The following SSH2 variants were observed in gnomAD, a reference collection of about 807,000 sequenced individuals.
SSH2 encodes protein phosphatase Slingshot homolog 2.
Under a neutral mutation model 135.2 loss-of-function variants are expected in SSH2, and 37 were observed. The observed-to-expected ratio is 0.27, with a 90% CI of 0.21 to 0.36. SSH2 has a LOEUF of 0.36. Among genes scored for constraint, SSH2 ranks in the 10% least tolerant of loss-of-function variants. The pLI, the probability that SSH2 is intolerant of heterozygous loss-of-function variation, is 1.00. For synonymous variants in SSH2, 628 were observed against 646.2 expected (o/e 0.97, Z 0.43); for missense variants, 1,408 against 1,765.3 (o/e 0.80, Z 3.63).
intron 5 of SSH2, among the ~76,000 whole-genome samples, chr17:29,692,408 AAAC>A (rs1228355950): frequency 1.3e-5 from 2 of 152,212 alleles, no homozygotes; most frequent in African/African-American, 4.8e-5. Flanking sequence ...TAACAACTCA[AAAC>A]AACTGTAAAA....
chr17:29,835,953 C>T (rs1378659058), intron 2 of SSH2, among the ~76,000 whole-genome samples: 3 of 137,174 alleles, frequency 2.2e-5, no homozygotes, highest in South Asian at 2.3e-4. Context: ...AGCAAGACTT[C>T]GTCTCAAAAA....
chr17:29,637,672 C>T (rs891958727), intron 14 of SSH2, among the ~76,000 whole-genome samples: 2 of 151,712 alleles, frequency 1.3e-5, no homozygotes, highest in African/African-American at 2.4e-5. Flanking sequence ...GTCTTAGCTA[C>T]TCAGGGGGCT....
At chr17:29,695,393 T>C (rs976897885) in intron 5 of SSH2, 66 bp downstream of exon 5, 43 of 1,232,982 alleles carry the variant, frequency 3.5e-5, no homozygotes, top group Non-Finnish European at 4.7e-5. Context: ...TAAAAATGAC[T>C]GTTCAATTTT....
Position 29,848,835 on chromosome 17 carries a change from A to T in SSH2, c.144+14T>A. On this transcript the variant is annotated intron_variant, in intron 2 of 15. Transcript: ENST00000540801. ...GAATCACCAAAGTCTGTATAAAAAC[A>T]TATACCTACGTACATTGGAATCAGT... 6.7e-7 allele frequency: 1 copy of T among 1,498,152 alleles called. No individual in the cohort carries two copies. Among genetic ancestry groups the T allele is most frequent in the Non-Finnish European group, 9.0e-7 (1 of 1,115,300 alleles). The allele number at this position is 1,498,152 out of a possible 1,614,324, so 92.8% of individuals were successfully genotyped here.
intron 5 of SSH2, among the ~76,000 whole-genome samples, chr17:29,689,329 A>G (rs2038366563): frequency 6.6e-6 from 1 of 152,234 alleles, no homozygotes. Context: ...TAACACAATC[A>G]AATAAATTTA....
intron 12 of SSH2, among the ~76,000 whole-genome samples, chr17:29,652,830 G>T (rs1051959623): frequency 3.9e-5 from 6 of 151,940 alleles, no homozygotes; most frequent in Non-Finnish European, 5.9e-5. Context: ...CCTAATTTTT[G>T]TATTTTTAGT....
At chr17:29,874,832 A>G (rs1348409692) in intron 1 of SSH2, among the ~76,000 whole-genome samples, 1 of 152,200 alleles carries the variant, frequency 6.6e-6, no homozygotes, top group Non-Finnish European at 1.5e-5. Flanking sequence ...TGATTGTCAG[A>G]TAACATCTAA....
rs1165050400 is a variant in SSH2 at position 29,631,076 on chromosome 17, TACTGCAC to T, written c.4111_4117del (p.Val1371MetfsTer20). On this transcript the variant is annotated frameshift_variant, in exon 16 of 16. Transcript: ENST00000540801. LOFTEE classifies it high-confidence loss of function. ...CTGACTAGAACCAAATTCTTTGGCA[TACTGCAC>T]AAGGGGCCTCTCCACTGGCTTGCTC... The T allele has an allele frequency of 6.2e-7, 1 of 1,614,120 alleles. No individual in the cohort carries two copies. Among genetic ancestry groups the T allele is most frequent in the Non-Finnish European group, 8.5e-7 (1 of 1,180,054 alleles).
At chr17:29,863,178 C>CA (rs1173071294) in intron 1 of SSH2, among the ~76,000 whole-genome samples, 1 of 151,878 alleles carries the variant, frequency 6.6e-6, no homozygotes, top group Non-Finnish European at 1.5e-5. Context: ...ACAACAACAA[C>CA]AAAAAAAGAT....
At chr17:29,756,663 G>GT (rs556100357) in intron 3 of SSH2, among the ~76,000 whole-genome samples, 85 of 149,762 alleles carry the variant, frequency 5.7e-4, no homozygotes, top group East Asian at 9.9e-4. Context: ...GTTTTGTTTT[G>GT]TTTTTTTTTG....
chr17:29,690,616 T>C (rs958895848), intron 5 of SSH2, among the ~76,000 whole-genome samples: 1 of 151,960 alleles, frequency 6.6e-6, no homozygotes, highest in African/African-American at 2.4e-5. Flanking sequence ...GTCAAAAGAA[T>C]GAAGCAAAAT....
At chr17:29,841,817 T>C (rs1357026050) in intron 2 of SSH2, among the ~76,000 whole-genome samples, 1 of 151,958 alleles carries the variant, frequency 6.6e-6, no homozygotes, top group African/African-American at 2.4e-5. Flanking sequence ...GCCTCAACCT[T>C]CTGGGCTCAA....
At chr17:29,700,405 T>A (rs2038928632) in intron 4 of SSH2, among the ~76,000 whole-genome samples, 1 of 152,220 alleles carries the variant, frequency 6.6e-6, no homozygotes, top group South Asian at 2.1e-4. Flanking sequence ...GAGATCTCTC[T>A]CCCTAAGACA....
At chr17:29,684,459 A>T (rs2038120502) in intron 6 of SSH2, 104 bp downstream of exon 6, 2 of 1,134,792 alleles carry the variant, frequency 1.8e-6, no homozygotes, top group African/African-American at 3.2e-5. Flanking sequence ...TCTGGGCAAC[A>T]GAGTGATGAC....
intron 2 of SSH2, among the ~76,000 whole-genome samples, chr17:29,809,319 T>C (rs1567987268): frequency 6.6e-6 from 1 of 152,206 alleles, no homozygotes; most frequent in Non-Finnish European, 1.5e-5. Context: ...AGCTGGAAGT[T>C]AATTTTCCTC....
chr17:29,640,341 G>T (rs2036100284), intron 14 of SSH2, among the ~76,000 whole-genome samples: 1 of 134,132 alleles, frequency 7.5e-6, no homozygotes, highest in African/African-American at 2.4e-5. Flanking sequence ...CTCCCAAAGT[G>T]CTGGGATTAT....
At chr17:29,778,139 T>C (rs1389511633) in intron 3 of SSH2, among the ~76,000 whole-genome samples, 1 of 152,170 alleles carries the variant, frequency 6.6e-6, no homozygotes, top group Non-Finnish European at 1.5e-5. Context: ...TTTTGCATGG[T>C]GGAAAAAGGG....
intron 3 of SSH2, among the ~76,000 whole-genome samples, chr17:29,770,371 A>G (rs2041555276): frequency 6.6e-6 from 1 of 152,068 alleles, no homozygotes; most frequent in Non-Finnish European, 1.5e-5. Context: ...GGCCTCCCCA[A>G]GTGCTGGGAT....
At chr17:29,851,602 TTAATAA>T (rs535506558) in intron 1 of SSH2, among the ~76,000 whole-genome samples, 1 of 150,924 alleles carries the variant, frequency 6.6e-6, no homozygotes, top group Admixed American at 6.6e-5. Flanking sequence ...TCAAAAAAAA[TTAATAA>T]TAATAATAAT....
Sources: gnomAD v4.1 joint callset for allele counts (sites outside exome capture counted in the v4.1 genomes callset) on GRCh38, gnomAD v4.1.1 for gene constraint, MANE v1.5 for transcripts, NCBI Gene and HGNC (gene_info 2026-07-23, HGNC 2026-07-21) for gene names.